Variants in NRG3 observed in about 807,000 individuals in gnomAD.
NRG3 encodes pro-neuregulin-3, membrane-bound isoform.
In NRG3, 31 loss-of-function variants were observed where a neutral mutation model predicts 66.9. The ratio of observed to expected loss-of-function variants is 0.46; its 90% CI spans 0.35 to 0.63. The LOEUF is 0.63. Ranked by LOEUF, NRG3 falls within the 20% of genes least tolerant of loss-of-function variation. The pLI is 0.00. For synonymous variants in NRG3, 393 were observed against 359.4 expected (o/e 1.09, Z -1.06); for missense variants, 910 against 878.9 (o/e 1.04, Z -0.45).
chr10:82,418,205 CAGGTGGGGACTGACTG>C (rs2088728075), intron 2 of NRG3, among the ~76,000 whole-genome samples: 1 of 152,108 alleles, frequency 6.6e-6, no homozygotes, highest in South Asian at 2.1e-4. Context: ...ACCTTCTCTC[CAGGTGGGGACTGACTG>C]AGGTGTTGAA....
chr10:82,567,849 A>T (rs969713343), intron 2 of NRG3, among the ~76,000 whole-genome samples: 3 of 151,858 alleles, frequency 2.0e-5, no homozygotes, highest in African/African-American at 7.2e-5. Context: ...AAACTAATTA[A>T]TGAACTCATA....
At chr10:81,882,683 A>G (rs1259193945) in intron 1 of NRG3, among the ~76,000 whole-genome samples, 1 of 152,180 alleles carries the variant, frequency 6.6e-6, no homozygotes, top group Non-Finnish European at 1.5e-5. Context: ...ATTTTCATCC[A>G]AGAGCACATC....
chr10:81,917,839 C>T (rs1845855883), intron 1 of NRG3, among the ~76,000 whole-genome samples: 1 of 152,142 alleles, frequency 6.6e-6, no homozygotes, highest in African/African-American at 2.4e-5. Context: ...CTGCAGGAAT[C>T]ATTGTGAGCT....
At chr10:82,979,488 T>A (rs986518804) in intron 8 of NRG3, among the ~76,000 whole-genome samples, 2 of 152,228 alleles carry the variant, frequency 1.3e-5, no homozygotes, top group African/African-American at 4.8e-5. Flanking sequence ...AATTCTCTGA[T>A]AAGTATTGTG....
At position 82,935,771 on chromosome 10, in the gene NRG3, G is replaced by A. The variant is rs185438712; in HGVS notation, c.1055-15698G>A. Among the ~76,000 whole-genome samples, 141 of 151,776 alleles carry A rather than the reference G, an allele frequency of 9.3e-4. 3 individuals carry two copies. In the East Asian group the frequency reaches 0.023, roughly 25 times the overall value. The stretch of plus-strand genomic sequence containing the variant: ...CCCATGTAGCTGGGACTACAGGTGC[G>A]TGCCACCACGCCTGGATAATTTTTT... On this transcript the variant is annotated intron_variant, in intron 4 of 8. Coordinates refer to ENST00000372141, the MANE Select transcript of NRG3 (RefSeq NM_001010848.4).
At chr10:82,548,907 G>T (rs1025451073) in intron 2 of NRG3, among the ~76,000 whole-genome samples, 4 of 152,220 alleles carry the variant, frequency 2.6e-5, no homozygotes, top group African/African-American at 9.6e-5. Context: ...GGACAATCAT[G>T]CTTTGGGCCA....
intron 1 of NRG3, among the ~76,000 whole-genome samples, chr10:82,079,991 A>G (rs984711178): frequency 2.0e-5 from 3 of 152,244 alleles, no homozygotes; most frequent in African/African-American, 4.8e-5. Context: ...CAAAAAATCT[A>G]ACAATTTCAT....
intron 2 of NRG3, among the ~76,000 whole-genome samples, chr10:82,616,417 T>C (rs1300316561): frequency 6.6e-6 from 1 of 152,206 alleles, no homozygotes; most frequent in Non-Finnish European, 1.5e-5. Flanking sequence ...TCATAACATA[T>C]CCAAGCTGAA....
At chr10:82,207,686 C>G (rs113234602) in intron 1 of NRG3, among the ~76,000 whole-genome samples, 3 of 152,090 alleles carry the variant, frequency 2.0e-5, no homozygotes, top group Admixed American at 1.3e-4. Flanking sequence ...TCAGGAAACA[C>G]ACAATCATGG....
chr10:81,889,792 T>C (rs1842884041), intron 1 of NRG3: 1 of 152,184 alleles, frequency 6.6e-6, no homozygotes, highest in Non-Finnish European at 1.5e-5. Context: ...AAGTTATTTG[T>C]TCAGGTCTTT....
chr10:82,933,272 A>G lies in NRG3; in HGVS notation c.1055-18197A>G, dbSNP rs541285162. The stretch of plus-strand genomic sequence containing the variant: ...TATTTATTTATTTATTTGCATCTGG[A>G]TCTTGGGAAGTAAGCATGTGGCATA... On this transcript the variant is annotated intron_variant, in intron 4 of 8. Transcript: ENST00000372141. Among the ~76,000 whole-genome samples, 5 of 152,056 alleles carry G rather than the reference A, an allele frequency of 3.3e-5. No individual in the cohort carries two copies. The South Asian group carries it at 1.0e-3, about 32-fold the overall frequency.
chr10:82,550,199 G>A (rs1324654190), intron 2 of NRG3, among the ~76,000 whole-genome samples: 1 of 151,938 alleles, frequency 6.6e-6, no homozygotes, highest in African/African-American at 2.4e-5. Context: ...AAGGCTGGAG[G>A]GAAAATGGTA....
intron 3 of NRG3, among the ~76,000 whole-genome samples, chr10:82,760,659 G>A (rs1002513599): frequency 2.6e-5 from 4 of 151,878 alleles, no homozygotes; most frequent in Admixed American, 2.0e-4. Context: ...CAGAGGCTAT[G>A]GTTTTATCTA....
intron 1 of NRG3, among the ~76,000 whole-genome samples, chr10:82,328,266 G>C (rs975405647): frequency 6.6e-6 from 1 of 152,184 alleles, no homozygotes; most frequent in Admixed American, 6.5e-5. Flanking sequence ...CAAGGGTCTT[G>C]TTTGGATATT....
chr10:82,725,421 T>A (rs2057540913), intron 2 of NRG3, among the ~76,000 whole-genome samples: 1 of 152,216 alleles, frequency 6.6e-6, no homozygotes. Flanking sequence ...CCTTGCACAC[T>A]GTGTGAGCTC....
At chr10:82,210,129 T>C (rs1327591482) in intron 1 of NRG3, among the ~76,000 whole-genome samples, 1 of 152,112 alleles carries the variant, frequency 6.6e-6, no homozygotes, top group African/African-American at 2.4e-5. Flanking sequence ...CATATCAAAA[T>C]GAGAGGCTCT....
At chr10:82,338,214 T>G (rs1329038217) in intron 1 of NRG3, among the ~76,000 whole-genome samples, 1 of 152,222 alleles carries the variant, frequency 6.6e-6, no homozygotes, top group Non-Finnish European at 1.5e-5. Flanking sequence ...AGTGCACTTG[T>G]GAGATCATCA....
intron 2 of NRG3, among the ~76,000 whole-genome samples, chr10:82,455,209 T>C (rs1211017028): frequency 6.6e-6 from 1 of 152,208 alleles, no homozygotes; most frequent in East Asian, 1.9e-4. Flanking sequence ...TATTTAATGA[T>C]GGAATATGTT....
At chr10:82,263,179 G>C (rs2134224551) in intron 1 of NRG3, among the ~76,000 whole-genome samples, 1 of 152,288 alleles carries the variant, frequency 6.6e-6, no homozygotes. Flanking sequence ...GCAGTAACAG[G>C]AGGTGGGTGT....
Sources: gnomAD v4.1 joint callset for allele counts (sites outside exome capture counted in the v4.1 genomes callset) on GRCh38, gnomAD v4.1.1 for gene constraint, MANE v1.5 for transcripts, NCBI Gene and HGNC (gene_info 2026-07-23, HGNC 2026-07-21) for gene names.